The following LRFN2 variants were observed in gnomAD, a reference collection of about 807,000 sequenced individuals.
The protein encoded by LRFN2 is leucine-rich repeat and fibronectin type-III domain-containing protein 2.
In LRFN2, 18 loss-of-function variants were observed where a neutral mutation model predicts 37.3. The observed-to-expected ratio is 0.48, with a 90% CI of 0.33 to 0.72. LRFN2 has a LOEUF of 0.72. Ranked by LOEUF, LRFN2 falls within the 30% of genes least tolerant of loss-of-function variation. The probability of loss-of-function intolerance (pLI) is 0.02; values close to 1 mark genes in which losing one functional copy is unlikely to be tolerated. For synonymous variants in LRFN2, 556 were observed against 466.6 expected (o/e 1.19, Z -2.47); for missense variants, 1,006 against 1,060.7 (o/e 0.95, Z 0.72).
At chr6:40,556,176 G>A (rs1222327316) in intron 1 of LRFN2, among the ~76,000 whole-genome samples, 1 of 152,138 alleles carries the variant, frequency 6.6e-6, no homozygotes, top group African/African-American at 2.4e-5. Context: ...ACTGGGGTCT[G>A]GGAGAGCTGG....
chr6:40,437,406 CCAGATGCATACCCTGGAGCT>C (rs769658267), intron 1 of LRFN2, among the ~76,000 whole-genome samples: 140 of 152,284 alleles, frequency 9.2e-4, no homozygotes, highest in Middle Eastern at 3.4e-3. Context: ...CCAGACGCTT[CCAGATGCATACCCTGGAGCT>C]CAGAGGCACA....
At chr6:40,533,936 C>A (rs1047372056) in intron 1 of LRFN2, among the ~76,000 whole-genome samples, 11 of 152,192 alleles carry the variant, frequency 7.2e-5, no homozygotes, top group Admixed American at 6.5e-4. Context: ...CCAAATTCAC[C>A]GGACACTCGG....
In LRFN2 at chr6:40,432,928, G is replaced by T; in HGVS notation, c.186C>A (p.Asn62Lys). The change falls in exon 2 of 3, where the codon AAC becomes AAA. Residue 62 changes from asparagine (N) to lysine (K), a missense_variant. By Grantham distance (94) the Asn-to-Lys change is moderately conservative. This residue lies in a region of LRFN2 where 185 missense variants were observed against 254.9 expected (regional missense o/e 0.73). Transcript: ENST00000338305. ...RRTVELRLGGNFIIHISRQDF... is the reference protein window; with the variant it reads ...RRTVELRLGGKFIIHISRQDF... ...CCTGGCGGCTGATGTGGATGATGAA[G>T]TTGCCGCCCAGGCGCAGCTCCACTG... 1 of 1,614,098 alleles carries T rather than the reference G, an allele frequency of 6.2e-7. No individual in the cohort carries two copies. The highest frequency in any genetic ancestry group is 1.7e-5 in the Admixed American group (1 of 60,034).
chr6:40,449,749 A>G (rs1764059514), intron 1 of LRFN2, among the ~76,000 whole-genome samples: 1 of 152,180 alleles, frequency 6.6e-6, no homozygotes, highest in Non-Finnish European at 1.5e-5. Context: ...AAAATAGTAT[A>G]AAGAGTTTCT....
intron 2 of LRFN2, among the ~76,000 whole-genome samples, chr6:40,411,771 A>G (rs901691244): frequency 6.6e-6 from 1 of 151,258 alleles, no homozygotes. Context: ...CTAATATTAC[A>G]ACTTACCCAC....
In LRFN2 at chr6:40,419,983, G is replaced by A. The variant is rs150839280; in HGVS notation, c.1400+11731C>T. Reference sequence around the variant, plus strand: ...GACTAATGACCTAGTGCAAAGGTTTGGTGTTTAACAGATCTCTTCCATGCT... The same window carrying A: ...GACTAATGACCTAGTGCAAAGGTTTAGTGTTTAACAGATCTCTTCCATGCT... On this transcript the variant is annotated intron_variant, in intron 2 of 2. Coordinates refer to ENST00000338305, the MANE Select transcript of LRFN2 (RefSeq NM_020737.3). 3.7e-3 allele frequency among the ~76,000 whole-genome samples: 566 copies of A among 152,266 alleles called. 3 individuals carry two copies. The highest frequency in any genetic ancestry group is 0.011 in the African/African-American group (469 of 41,556).
chr6:40,493,574 G>C (rs75232954), intron 1 of LRFN2, among the ~76,000 whole-genome samples: 1 of 152,162 alleles, frequency 6.6e-6, no homozygotes, highest in East Asian at 1.9e-4. Context: ...AGGCCAAATG[G>C]GACCCATAAA....
At chr6:40,511,083 G>A (rs552015483) in intron 1 of LRFN2, among the ~76,000 whole-genome samples, 1 of 152,256 alleles carries the variant, frequency 6.6e-6, no homozygotes, top group South Asian at 2.1e-4. Context: ...GGGGCAGGAG[G>A]GAACACAGAG....
chr6:40,518,357 G>T (rs1765944779), intron 1 of LRFN2, among the ~76,000 whole-genome samples: 1 of 152,154 alleles, frequency 6.6e-6, no homozygotes, highest in African/African-American at 2.4e-5. Context: ...ATACTACTAT[G>T]ATCCCACTTT....
chr6:40,449,104 G>A (rs563108130), intron 1 of LRFN2, among the ~76,000 whole-genome samples: 1 of 152,256 alleles, frequency 6.6e-6, no homozygotes, highest in South Asian at 2.1e-4. Context: ...AATTGCACAT[G>A]GTGAATATAG....
At chr6:40,443,248 G>C (rs1406785720) in intron 1 of LRFN2, among the ~76,000 whole-genome samples, 4 of 152,180 alleles carry the variant, frequency 2.6e-5, no homozygotes, top group African/African-American at 9.7e-5. Flanking sequence ...ACAGAAACAA[G>C]AGGACTTTTC....
chr6:40,435,604 T>C (rs1393881605), intron 1 of LRFN2, among the ~76,000 whole-genome samples: 1 of 152,112 alleles, frequency 6.6e-6, no homozygotes, highest in East Asian at 1.9e-4. Context: ...AGTGGCATGA[T>C]CTCAGCTCAC....
At chr6:40,416,095 G>A (rs1763086407) in intron 2 of LRFN2, among the ~76,000 whole-genome samples, 1 of 152,128 alleles carries the variant, frequency 6.6e-6, no homozygotes, top group Non-Finnish European at 1.5e-5. Context: ...TGCAACCTCT[G>A]CCTCCTGGGT....
chr6:40,447,748 G>A (rs907757962), intron 1 of LRFN2, among the ~76,000 whole-genome samples: 4 of 152,040 alleles, frequency 2.6e-5, no homozygotes, highest in Non-Finnish European at 4.4e-5. Context: ...ATAAGGTGAG[G>A]CCCATCAAGG....
At chr6:40,437,769 T>C (rs1763724748) in intron 1 of LRFN2, among the ~76,000 whole-genome samples, 1 of 152,178 alleles carries the variant, frequency 6.6e-6, no homozygotes, top group South Asian at 2.1e-4. Flanking sequence ...GGGCTCTCTC[T>C]TTTGGGCAAG....
intron 2 of LRFN2, among the ~76,000 whole-genome samples, chr6:40,425,371 C>T (rs988841747): frequency 1.3e-5 from 2 of 152,228 alleles, no homozygotes; most frequent in African/African-American, 4.8e-5. Context: ...ATCATTCCAA[C>T]ATCACGCCTG....
At chr6:40,402,457 G>GA (rs1252604766) in intron 2 of LRFN2, among the ~76,000 whole-genome samples, 10 of 152,118 alleles carry the variant, frequency 6.6e-5, no homozygotes, top group Middle Eastern at 6.8e-3. Flanking sequence ...AATTTAAAAA[G>GA]AAAAAAATAA....
chr6:40,397,546 C>G (rs532878349), intron 2 of LRFN2, among the ~76,000 whole-genome samples: 1 of 152,304 alleles, frequency 6.6e-6, no homozygotes, highest in South Asian at 2.1e-4. Context: ...CTTAGCTGGG[C>G]TCCCAAACCA....
chr6:40,523,099 G>T (rs1182620899), intron 1 of LRFN2, among the ~76,000 whole-genome samples: 5 of 152,182 alleles, frequency 3.3e-5, no homozygotes, highest in Non-Finnish European at 5.9e-5. Flanking sequence ...TGTTACCATG[G>T]TCCTGTTGCT....
Sources: allele counts gnomAD v4.1 joint callset (sites outside exome capture counted in the v4.1 genomes callset), GRCh38; gene constraint gnomAD v4.1.1; regional missense constraint gnomAD v4.1.1; transcripts MANE v1.5; gene names NCBI Gene and HGNC (gene_info 2026-07-23, HGNC 2026-07-21).